The following C22orf31 variants were observed in gnomAD, a reference collection of about 807,000 sequenced individuals.
C22orf31 encodes chromosome 22 open reading frame 31.
C22orf31 carries 11 observed loss-of-function variants against 15.0 expected under a neutral mutation model. The ratio of observed to expected loss-of-function variants is 0.73; its 90% CI spans 0.46 to 1.21. The LOEUF (loss-of-function observed/expected upper bound fraction) is 1.21. Ranked by LOEUF, C22orf31 falls within the 50% of genes most tolerant of loss-of-function variation. C22orf31 has a pLI of 0.00. For synonymous variants in C22orf31, 132 were observed against 133.3 expected (o/e 0.99, Z 0.07); for missense variants, 340 against 347.2 (o/e 0.98, Z 0.17).
At position 29,058,677 on chromosome 22, in the gene C22orf31, T is replaced by C; in HGVS notation, c.*65A>G. On this transcript the variant is annotated 3_prime_UTR_variant, in exon 3 of 3. Coordinates refer to ENST00000216071, the MANE Select transcript of C22orf31 (RefSeq NM_015370.2). ...AAGCACTCTGCGATAACACGGAAGG[T>C]GCAAAGTTGTGTTTATTTTTCAGAT... The C allele has an allele frequency of 1.6e-6, 2 of 1,285,450 alleles. No individual in the cohort carries two copies. The highest frequency in any genetic ancestry group is 2.8e-5 in the South Asian group (2 of 71,094). The allele number at this position is 1,285,450 out of a possible 1,614,324, so 79.6% of individuals were successfully genotyped here.
At position 29,061,803 on chromosome 22, in the gene C22orf31, C is replaced by A. The variant is rs1247838864; in HGVS notation, c.-11G>T. ...AAATCACCTTACCATATTTCAGTTG[C>A]CTTAAATTTTATTTTCGCTAGCTTA... On this transcript the variant is annotated 5_prime_UTR_variant, in exon 1 of 3. Coordinates refer to ENST00000216071, the MANE Select transcript of C22orf31 (RefSeq NM_015370.2). The A allele has an allele frequency of 6.5e-7, 1 of 1,541,728 alleles. No individual in the cohort carries two copies. The highest frequency in any genetic ancestry group is 1.2e-5 in the South Asian group (1 of 84,648).
At chr22:29,069,450 G>T in the C22orf31 span, among the ~76,000 whole-genome samples, 1 of 152,124 alleles carries the variant, frequency 6.6e-6, no homozygotes, top group African/African-American at 2.4e-5. Context: ...GCCCTCGGAG[G>T]AAGAAAGGGG....
At chr22:29,066,539 C>CTTTTTTTTTTTTTTTTTTTTTTTTT (rs134565), upstream of C22orf31, among the ~76,000 whole-genome samples, 22 of 70,230 alleles carry the variant, frequency 3.1e-4, 1 homozygote, top group South Asian at 5.3e-4. Context: ...CTTTTCTTTT[C>CTTTTTTTTTTTTTTTTTTTTTTTTT]TTTTTTTTTT....
the C22orf31 span, among the ~76,000 whole-genome samples, chr22:29,073,400 C>T: frequency 6.6e-6 from 1 of 151,964 alleles, no homozygotes; most frequent in Non-Finnish European, 1.5e-5. The surrounding 1 kb of genome is among the most constrained non-coding windows in gnomAD (Gnocchi z 4.4). Flanking sequence ...GGGACCCGGG[C>T]TACCCCCAGG....
the C22orf31 span, among the ~76,000 whole-genome samples, chr22:29,072,239 G>C: frequency 6.6e-6 from 1 of 152,086 alleles, no homozygotes; most frequent in Non-Finnish European, 1.5e-5. Context: ...CGACCTCCAG[G>C]GCTCAAGCGA....
At chr22:29,068,914 G>A in the C22orf31 span, among the ~76,000 whole-genome samples, 2 of 151,786 alleles carry the variant, frequency 1.3e-5, no homozygotes, top group African/African-American at 4.8e-5. Context: ...ACAGGCGCCC[G>A]CCACTACACC....
At chr22:29,066,928 A>T in the C22orf31 span, among the ~76,000 whole-genome samples, 1 of 152,140 alleles carries the variant, frequency 6.6e-6, no homozygotes, top group Non-Finnish European at 1.5e-5. Context: ...GATGCCCCAC[A>T]GACAACTCTA....
At chr22:29,073,239 C>T in the C22orf31 span, 1,905 of 1,119,522 alleles carry the variant, frequency 1.7e-3, 22 homozygotes, top group African/African-American at 0.027. The surrounding 1 kb of genome is among the most constrained non-coding windows in gnomAD (Gnocchi z 4.4). Flanking sequence ...TGAGTGTGAG[C>T]GACCCCCCGC....
the C22orf31 span, among the ~76,000 whole-genome samples, chr22:29,067,812 C>T: frequency 3.9e-5 from 6 of 152,216 alleles, no homozygotes; most frequent in South Asian, 1.2e-3. Flanking sequence ...GTGGCTGTAT[C>T]CTCGTTCACT....
upstream of C22orf31, among the ~76,000 whole-genome samples, chr22:29,062,194 T>C (rs2123901797): frequency 6.6e-6 from 1 of 152,300 alleles, no homozygotes; most frequent in East Asian, 1.9e-4. Context: ...AAGTATGTTT[T>C]GCAGGAAATG....
upstream of C22orf31, among the ~76,000 whole-genome samples, chr22:29,065,901 G>A (rs1005024980): frequency 1.4e-4 from 22 of 152,152 alleles, no homozygotes; most frequent in African/African-American, 4.3e-4. Context: ...GCTGAGCTCA[G>A]TCTCACTAAC....
upstream of C22orf31, among the ~76,000 whole-genome samples, chr22:29,064,939 C>T (rs1009958199): frequency 2.6e-5 from 4 of 151,892 alleles, no homozygotes; most frequent in South Asian, 6.2e-4. Flanking sequence ...CTGCAACCTC[C>T]GCCTCCTGGG....
chr22:29,069,042 G>A, the C22orf31 span, among the ~76,000 whole-genome samples: 2 of 152,108 alleles, frequency 1.3e-5, no homozygotes, highest in South Asian at 4.2e-4. Flanking sequence ...GATTACAGGT[G>A]TGAGCCACCA....
At chr22:29,060,378 G>T (rs373530226) in intron 2 of C22orf31, 37 bp downstream of exon 2, 7 of 1,555,772 alleles carry the variant, frequency 4.5e-6, no homozygotes, top group Non-Finnish European at 5.3e-6. Flanking sequence ...CCCTCCCCTC[G>T]CCAGTCACAT....
upstream of C22orf31, among the ~76,000 whole-genome samples, chr22:29,062,125 A>T (rs915734087): frequency 1.3e-5 from 2 of 152,168 alleles, no homozygotes; most frequent in Admixed American, 6.5e-5. Context: ...GAAACTTCTG[A>T]AGTCCTCATT....
At chr22:29,061,747 G>A (rs2037394235) in intron 1 of C22orf31, 43 bp downstream of exon 1, 1 of 1,439,204 alleles carries the variant, frequency 6.9e-7, no homozygotes, top group South Asian at 1.2e-5. Flanking sequence ...AAAGAGATCT[G>A]GCTTTCTAAG....
chr22:29,070,753 T>C, the C22orf31 span, among the ~76,000 whole-genome samples: 1 of 152,168 alleles, frequency 6.6e-6, no homozygotes, highest in Non-Finnish European at 1.5e-5. Flanking sequence ...ACGGAGGCCC[T>C]GTCTCCAGAA....
At chr22:29,071,093 T>C in the C22orf31 span, among the ~76,000 whole-genome samples, 3 of 149,168 alleles carry the variant, frequency 2.0e-5, no homozygotes, top group African/African-American at 7.5e-5. Flanking sequence ...GTGGAGAAGG[T>C]GGGAAGGGCC....
chr22:29,059,295 C>A, intron 2 of C22orf31, 113 bp from the exon 3 acceptor site: 1 of 764,804 alleles, frequency 1.3e-6, no homozygotes. Context: ...CAACATTTGT[C>A]TAGCATGTTC....
Sources: allele counts gnomAD v4.1 joint callset (sites outside exome capture counted in the v4.1 genomes callset), GRCh38; gene constraint gnomAD v4.1.1; non-coding constraint Gnocchi (gnomAD v3.1); transcripts MANE v1.5; gene names NCBI Gene and HGNC (gene_info 2026-07-23, HGNC 2026-07-21).